The following CNTN4 variants were observed in gnomAD, a reference collection of about 807,000 sequenced individuals.
CNTN4 encodes the protein contactin 4.
CNTN4 carries 77 observed loss-of-function variants against 122.5 expected under a neutral mutation model. The ratio of observed to expected loss-of-function variants is 0.63; its 90% CI spans 0.52 to 0.76. The LOEUF (loss-of-function observed/expected upper bound fraction) is 0.76, where lower values mean the gene tolerates loss of function less well. Ranked by LOEUF, CNTN4 falls within the 30% of genes least tolerant of loss-of-function variation. CNTN4 has a pLI of 0.00. For synonymous variants in CNTN4, 512 were observed against 447.0 expected (o/e 1.15, Z -1.83); for missense variants, 1,256 against 1,259.1 (o/e 1.00, Z 0.04).
At chr3:2,804,812 C>G (rs767330498) in intron 6 of CNTN4, among the ~76,000 whole-genome samples, 1 of 150,906 alleles carries the variant, frequency 6.6e-6, no homozygotes, top group Non-Finnish European at 1.5e-5. Flanking sequence ...ATCTTCCTGC[C>G]TCAGCCTCCA....
intron 2 of CNTN4, among the ~76,000 whole-genome samples, chr3:2,173,118 A>C (rs867897398): frequency 4.3e-4 from 65 of 152,340 alleles, no homozygotes; most frequent in African/African-American, 1.5e-3. Context: ...CTCAATGATT[A>C]GCATTAGAAC....
chr3:2,185,028 C>A (rs1166628706), intron 2 of CNTN4, among the ~76,000 whole-genome samples: 1 of 152,128 alleles, frequency 6.6e-6, no homozygotes, highest in Non-Finnish European at 1.5e-5. Flanking sequence ...TCCTCCTGGG[C>A]CTGGATTCCT....
At chr3:2,725,242 A>C (rs80198755) in intron 4 of CNTN4, among the ~76,000 whole-genome samples, 6,113 of 152,166 alleles carry the variant, frequency 0.04, 170 homozygotes, top group Non-Finnish European at 0.058. Context: ...TTACCCTTCT[A>C]TGCCCTCCTT....
intron 3 of CNTN4, among the ~76,000 whole-genome samples, chr3:2,523,431 AAC>A (rs1191415317): frequency 1.3e-5 from 2 of 151,884 alleles, no homozygotes; most frequent in Non-Finnish European, 2.9e-5. Flanking sequence ...GGAAAGATAG[AAC>A]AGTTTTTCAG....
intron 3 of CNTN4, among the ~76,000 whole-genome samples, chr3:2,350,258 A>G (rs1281684609): frequency 2.0e-5 from 3 of 152,202 alleles, no homozygotes; most frequent in African/African-American, 7.2e-5. Context: ...CCATGTTGGT[A>G]ATGACAGAAC....
At chr3:2,588,006 A>G (rs1458235605) in intron 4 of CNTN4, among the ~76,000 whole-genome samples, 1 of 151,874 alleles carries the variant, frequency 6.6e-6, no homozygotes, top group African/African-American at 2.4e-5. Context: ...CCAAAATTTT[A>G]TCATCTATTT....
intron 3 of CNTN4, among the ~76,000 whole-genome samples, chr3:2,453,224 C>G (rs2048892174): frequency 6.6e-6 from 1 of 151,644 alleles, no homozygotes; most frequent in Non-Finnish European, 1.5e-5. Context: ...AAGTCAGAAT[C>G]ATCAAGTTAT....
At chr3:2,470,199 C>A (rs1394734699) in intron 3 of CNTN4, among the ~76,000 whole-genome samples, 2 of 152,048 alleles carry the variant, frequency 1.3e-5, no homozygotes, top group African/African-American at 4.8e-5. Context: ...GCCTCAGCAT[C>A]CTGAGTAGCT....
Position 2,226,889 on chromosome 3 carries a change from T to C in CNTN4, c.-144-112289T>C, listed in dbSNP as rs182708829. On this transcript the variant is annotated intron_variant, in intron 2 of 24. Coordinates refer to ENST00000418658, the MANE Select transcript of CNTN4 (RefSeq NM_175607.3). ...CAAGAACTTTAAAAATATTAACTAC[T>C]TTAATTTTTGTAACTCTTTGCAGTA... is the stretch of plus-strand genomic sequence containing the variant. Among the ~76,000 whole-genome samples, 489 of 152,312 alleles carry C rather than the reference T, an allele frequency of 3.2e-3. 4 individuals are homozygous for C. The highest frequency in any genetic ancestry group is 0.011 in the African/African-American group (466 of 41,574).
intron 4 of CNTN4, among the ~76,000 whole-genome samples, chr3:2,697,080 T>C (rs929661478): frequency 5.9e-5 from 9 of 152,202 alleles, no homozygotes; most frequent in Non-Finnish European, 1.0e-4. Context: ...GCATCCAGAC[T>C]TGTGTTAAGA....
At chr3:2,499,632 A>T (rs2076544071) in intron 3 of CNTN4, among the ~76,000 whole-genome samples, 1 of 152,110 alleles carries the variant, frequency 6.6e-6, no homozygotes, top group African/African-American at 2.4e-5. Context: ...GTCATGATTA[A>T]GGTAGCTATA....
chr3:2,572,317 C>T (rs1440067302), intron 4 of CNTN4, among the ~76,000 whole-genome samples: 4 of 152,104 alleles, frequency 2.6e-5, no homozygotes, highest in Non-Finnish European at 5.9e-5. Flanking sequence ...ACCCAGAAGG[C>T]GAAGGTTGCA....
intron 8 of CNTN4, among the ~76,000 whole-genome samples, chr3:2,877,491 A>G (rs1179008176): frequency 6.6e-6 from 1 of 152,198 alleles, no homozygotes; most frequent in Non-Finnish European, 1.5e-5. Flanking sequence ...TTTTATTTAG[A>G]TTTGAAAGCA....
At chr3:2,682,963 G>A (rs954721108) in intron 4 of CNTN4, among the ~76,000 whole-genome samples, 47 of 152,226 alleles carry the variant, frequency 3.1e-4, no homozygotes, top group African/African-American at 1.1e-3. Context: ...GAAACTGAAG[G>A]AGAGACTGGG....
At chr3:2,579,848 T>A in intron 4 of CNTN4, among the ~76,000 whole-genome samples, 1 of 152,224 alleles carries the variant, frequency 6.6e-6, no homozygotes, top group Non-Finnish European at 1.5e-5. Flanking sequence ...GCAATGATAA[T>A]GATTATGGTG....
rs145792667 is a variant in CNTN4 at position 2,805,034 on chromosome 3, G to A, written c.359-14452G>A. Reference sequence around the variant, plus strand: ...TACTAAAAATACAAAAAAATTTGCCGGGCATGGTGGCAGGAGCTTGTAATC... The same window carrying A: ...TACTAAAAATACAAAAAAATTTGCCAGGCATGGTGGCAGGAGCTTGTAATC... On this transcript the variant is annotated intron_variant, in intron 6 of 24. Coordinates refer to ENST00000418658, the MANE Select transcript of CNTN4 (RefSeq NM_175607.3). Among the ~76,000 whole-genome samples the A allele has an allele frequency of 4.9e-3, 746 of 152,126 alleles. 2 individuals carry two copies. The highest frequency in any genetic ancestry group is 8.2e-3 in the Non-Finnish European group (560 of 68,000).
At chr3:2,761,782 A>G (rs2090604010) in intron 6 of CNTN4, among the ~76,000 whole-genome samples, 1 of 152,164 alleles carries the variant, frequency 6.6e-6, no homozygotes, top group Admixed American at 6.5e-5. Flanking sequence ...TTTATCCTAC[A>G]TAAAATTCAA....
At chr3:2,672,430 C>T (rs765129180) in intron 4 of CNTN4, among the ~76,000 whole-genome samples, 4 of 152,208 alleles carry the variant, frequency 2.6e-5, no homozygotes, top group Non-Finnish European at 4.4e-5. Context: ...GGGATATAAT[C>T]TCCTGGTTTG....
intron 18 of CNTN4, 194 bp downstream of exon 18, chr3:3,037,522 G>C: frequency 1.4e-6 from 1 of 710,632 alleles, no homozygotes; most frequent in South Asian, 1.6e-5. Context: ...ATCAAGAGTT[G>C]TTTTCTTCAT....
Sources: allele counts gnomAD v4.1 joint callset (sites outside exome capture counted in the v4.1 genomes callset), GRCh38; gene constraint gnomAD v4.1.1; transcripts MANE v1.5; gene names NCBI Gene and HGNC (gene_info 2026-07-23, HGNC 2026-07-21).